CRIM1: variants seen among roughly 807,000 people sequenced by gnomAD.
CRIM1 encodes cysteine-rich motor neuron 1 protein.
Under a neutral mutation model 116.4 loss-of-function variants are expected in CRIM1, and 32 were observed. The observed-to-expected ratio is 0.27, with a 90% CI of 0.21 to 0.37. CRIM1 has a LOEUF of 0.37. Ranked by LOEUF, CRIM1 falls within the 10% of genes least tolerant of loss-of-function variation. The pLI is 1.00. For missense variants in CRIM1, 1,331 were observed against 1,354.8 expected (o/e 0.98, Z 0.28); for synonymous variants, 590 against 509.2 (o/e 1.16, Z -2.13).
At chr2:36,393,217 T>C (rs566929865) in intron 1 of CRIM1, among the ~76,000 whole-genome samples, 20 of 152,170 alleles carry the variant, frequency 1.3e-4, no homozygotes, top group Non-Finnish European at 2.5e-4. Flanking sequence ...TAATGATAGA[T>C]GATGCCTAGT....
intron 2 of CRIM1, among the ~76,000 whole-genome samples, chr2:36,423,951 A>T (rs1674262577): frequency 6.6e-6 from 1 of 152,202 alleles, no homozygotes. Flanking sequence ...GTGGTAGAAC[A>T]AACTAGGCAG....
intron 2 of CRIM1, among the ~76,000 whole-genome samples, chr2:36,410,495 T>C (rs1673124630): frequency 6.6e-6 from 1 of 152,174 alleles, no homozygotes; most frequent in East Asian, 1.9e-4. Context: ...TTGTATCTTG[T>C]CCTTGTCAGG....
chr2:36,499,963 T>G (rs1375126478), intron 8 of CRIM1, among the ~76,000 whole-genome samples: 3 of 152,192 alleles, frequency 2.0e-5, no homozygotes, highest in African/African-American at 4.8e-5. Flanking sequence ...CCTAGAACTT[T>G]GTTGATCTTT....
At chr2:36,381,193 G>A (rs1172787055) in intron 1 of CRIM1, among the ~76,000 whole-genome samples, 1 of 152,238 alleles carries the variant, frequency 6.6e-6, no homozygotes, top group African/African-American at 2.4e-5. Flanking sequence ...ACCCCTGGCA[G>A]TTGAGTGTCC....
chr2:36,445,744 A>G (rs1676192836), intron 4 of CRIM1, among the ~76,000 whole-genome samples: 1 of 152,146 alleles, frequency 6.6e-6, no homozygotes, highest in Non-Finnish European at 1.5e-5. Flanking sequence ...TAGGTTGTAC[A>G]TTGATTAGAG....
intron 9 of CRIM1, among the ~76,000 whole-genome samples, chr2:36,511,028 G>C (rs921954584): frequency 6.0e-5 from 9 of 150,038 alleles, no homozygotes; most frequent in African/African-American, 2.2e-4. Flanking sequence ...CAGGCTGTCA[G>C]TCCTCCCACC....
chr2:36,448,057 C>G (rs1676387572), intron 4 of CRIM1, among the ~76,000 whole-genome samples: 1 of 152,184 alleles, frequency 6.6e-6, no homozygotes, highest in Non-Finnish European at 1.5e-5. Context: ...ATCATTTAGC[C>G]AACCATTATT....
intron 3 of CRIM1, among the ~76,000 whole-genome samples, chr2:36,441,705 G>A (rs1358089993): frequency 5.9e-5 from 9 of 152,116 alleles, no homozygotes; most frequent in African/African-American, 1.4e-4. Context: ...GTACATAAGC[G>A]CCTTCGGAGA....
chr2:36,391,318 TG>T (rs1173325108), intron 1 of CRIM1, among the ~76,000 whole-genome samples: 3 of 151,280 alleles, frequency 2.0e-5, no homozygotes, highest in Non-Finnish European at 4.4e-5. Flanking sequence ...TTAGTGGAGA[TG>T]GGGTTTCACC....
Position 36,522,077 on chromosome 2 carries a change from T to C in CRIM1, c.2207-15T>C. 1 of 1,610,562 alleles carries C rather than the reference T, an allele frequency of 6.2e-7. No individual in the cohort carries two copies. The highest frequency in any genetic ancestry group is 8.5e-7 in the Non-Finnish European group (1 of 1,176,834). On this transcript the variant is annotated splice_polypyrimidine_tract_variant and intron_variant, in intron 12 of 16. Transcript: ENST00000280527. ...ACAGCATCTTCTTTGCTGACCTATA[T>C]GTTCATTTTTCCAGATCAACCTTTT... is the stretch of plus-strand genomic sequence containing the variant.
intron 7 of CRIM1, among the ~76,000 whole-genome samples, chr2:36,493,487 T>A (rs1231633152): frequency 6.6e-6 from 1 of 152,136 alleles, no homozygotes; most frequent in African/African-American, 2.4e-5. Context: ...CAGAGTTAAT[T>A]ACCCTCCTGA....
chr2:36,394,467 AT>A (rs1219992726), intron 1 of CRIM1, among the ~76,000 whole-genome samples: 1 of 151,878 alleles, frequency 6.6e-6, no homozygotes, highest in Non-Finnish European at 1.5e-5. Flanking sequence ...TCTATGTTGA[AT>A]TTTTTCAATA....
intron 1 of CRIM1, among the ~76,000 whole-genome samples, chr2:36,384,735 A>G (rs1223534697): frequency 2.0e-5 from 3 of 152,156 alleles, no homozygotes; most frequent in East Asian, 3.9e-4. Flanking sequence ...GAGTTTTAAA[A>G]TGAATTTCAA....
At chr2:36,484,603 A>G (rs1679680302) in intron 7 of CRIM1, among the ~76,000 whole-genome samples, 1 of 152,086 alleles carries the variant, frequency 6.6e-6, no homozygotes, top group South Asian at 2.1e-4. Context: ...GGGGACTTTG[A>G]AGTCTTGATG....
At chr2:36,399,306 G>A (rs1396367568) in intron 2 of CRIM1, among the ~76,000 whole-genome samples, 1 of 152,224 alleles carries the variant, frequency 6.6e-6, no homozygotes, top group Non-Finnish European at 1.5e-5. Flanking sequence ...GTGGTGGAAT[G>A]CAAACTGGAT....
At chr2:36,531,862 A>G (rs771112558) in intron 13 of CRIM1, 2 of 470,128 alleles carry the variant, frequency 4.3e-6, no homozygotes, top group Non-Finnish European at 8.8e-6. Flanking sequence ...TATTGCTCAT[A>G]TCTGAATCCC....
chr2:36,445,990 A>T (rs76828628), intron 4 of CRIM1, among the ~76,000 whole-genome samples: 1,801 of 152,370 alleles, frequency 0.012, 37 homozygotes, highest in African/African-American at 0.04. Context: ...TTAAGAAATT[A>T]GAGCCATTTG....
intron 5 of CRIM1, among the ~76,000 whole-genome samples, chr2:36,475,621 T>C (rs1678915118): frequency 6.6e-6 from 1 of 152,222 alleles, no homozygotes; most frequent in African/African-American, 2.4e-5. Context: ...CTATGTCGAA[T>C]TGAAGTGGTG....
intron 4 of CRIM1, among the ~76,000 whole-genome samples, chr2:36,462,410 G>A (rs533018718): frequency 6.6e-6 from 1 of 152,270 alleles, no homozygotes; most frequent in Admixed American, 6.5e-5. Flanking sequence ...AAACATAAAA[G>A]GGGAAAAAAG....
Sources: allele counts gnomAD v4.1 joint callset (sites outside exome capture counted in the v4.1 genomes callset), GRCh38; gene constraint gnomAD v4.1.1; transcripts MANE v1.5; gene names NCBI Gene and HGNC (gene_info 2026-07-23, HGNC 2026-07-21).